OPCML: variants seen among roughly 807,000 people sequenced by gnomAD.
The protein encoded by OPCML is opioid binding protein/cell adhesion molecule like, also known as opioid-binding protein/cell adhesion molecule.
In OPCML, 13 loss-of-function variants were observed where a neutral mutation model predicts 37.8. The observed-to-expected ratio is 0.34, with a 90% CI of 0.22 to 0.55. The LOEUF (loss-of-function observed/expected upper bound fraction) is 0.55. Ranked by LOEUF, OPCML falls within the 20% of genes least tolerant of loss-of-function variation. The pLI is 0.91. For missense variants in OPCML, 341 were observed against 435.6 expected (o/e 0.78, Z 1.93); for synonymous variants, 176 against 168.8 (o/e 1.04, Z -0.33).
intron 1 of OPCML, among the ~76,000 whole-genome samples, chr11:133,368,053 G>A (rs950847909): frequency 2.0e-5 from 3 of 152,180 alleles, no homozygotes; most frequent in Non-Finnish European, 4.4e-5. Context: ...GGCAGTCCTT[G>A]GAGGAATATG....
At chr11:132,899,734 C>G (rs1225545504) in intron 2 of OPCML, among the ~76,000 whole-genome samples, 3 of 152,022 alleles carry the variant, frequency 2.0e-5, no homozygotes, top group Non-Finnish European at 4.4e-5. Context: ...TCTAAGTGGA[C>G]TCGGTGGGGA....
At chr11:133,099,582 T>G (rs754435635) in intron 1 of OPCML, among the ~76,000 whole-genome samples, 1 of 152,056 alleles carries the variant, frequency 6.6e-6, no homozygotes, top group East Asian at 1.9e-4. Context: ...CCACCTCGCC[T>G]GGCCTGATTT....
intron 7 of OPCML, among the ~76,000 whole-genome samples, chr11:132,423,336 G>A (rs908955327): frequency 6.6e-6 from 1 of 152,202 alleles, no homozygotes; most frequent in African/African-American, 2.4e-5. Context: ...ATGAGAAATG[G>A]CTGGGCTATT....
intron 4 of OPCML, among the ~76,000 whole-genome samples, chr11:132,511,696 G>C (rs1293747617): frequency 1.3e-5 from 2 of 151,946 alleles, no homozygotes; most frequent in Non-Finnish European, 2.9e-5. Flanking sequence ...CTGTAGAGCT[G>C]TATGGAAAAA....
At chr11:132,592,673 T>C (rs916224450) in intron 3 of OPCML, among the ~76,000 whole-genome samples, 2 of 152,202 alleles carry the variant, frequency 1.3e-5, no homozygotes, top group African/African-American at 4.8e-5. Context: ...CCAGGATTCG[T>C]AGACCAGAGC....
At chr11:133,126,075 AC>A (rs1949509716) in intron 1 of OPCML, among the ~76,000 whole-genome samples, 1 of 25,762 alleles carries the variant, frequency 3.9e-5, no homozygotes, top group African/African-American at 9.9e-5. Flanking sequence ...TACCATACAC[AC>A]ACACACACAC....
chr11:132,716,185 T>A (rs1039946970), intron 2 of OPCML, among the ~76,000 whole-genome samples: 1 of 152,074 alleles, frequency 6.6e-6, no homozygotes, highest in East Asian at 1.9e-4. Flanking sequence ...AGGCAGGTAA[T>A]GAGAGCAGAG....
chr11:133,439,292 GTT>G (rs61423385), intron 1 of OPCML: 31,532 of 863,812 alleles, frequency 0.037, 501 homozygotes, highest in East Asian at 0.16. Context: ...AGTAAAAGAT[GTT>G]TTTTTTTTTT....
At chr11:133,230,634 G>C (rs1335919713) in intron 1 of OPCML, among the ~76,000 whole-genome samples, 3 of 152,164 alleles carry the variant, frequency 2.0e-5, no homozygotes, top group Non-Finnish European at 4.4e-5. Context: ...CCATAACTCA[G>C]TTAATCAGTC....
At chr11:133,444,725 C>T (rs1014474039) in intron 1 of OPCML, among the ~76,000 whole-genome samples, 2 of 152,176 alleles carry the variant, frequency 1.3e-5, no homozygotes, top group African/African-American at 2.4e-5. Flanking sequence ...TGCCTAATAA[C>T]ATTTCATCAT....
intron 2 of OPCML, among the ~76,000 whole-genome samples, chr11:132,727,201 A>G (rs1346981608): frequency 6.6e-6 from 1 of 152,312 alleles, no homozygotes; most frequent in Non-Finnish European, 1.5e-5. Context: ...AAACCAGCAT[A>G]GAGAGGTAGG....
At chr11:132,462,158 C>A (rs75246688) in intron 4 of OPCML, among the ~76,000 whole-genome samples, 1 of 152,114 alleles carries the variant, frequency 6.6e-6, no homozygotes, top group Admixed American at 6.6e-5. Flanking sequence ...AGTAGCAGTA[C>A]GTGCAACTAG....
intron 1 of OPCML, among the ~76,000 whole-genome samples, chr11:133,146,632 C>G (rs895801694): frequency 2.0e-5 from 3 of 152,020 alleles, no homozygotes; most frequent in Admixed American, 6.5e-5. Flanking sequence ...TAATTTTTCT[C>G]TATTTTTAGT....
At chr11:132,537,455 G>T (rs561550682) in intron 3 of OPCML, among the ~76,000 whole-genome samples, 95 of 152,204 alleles carry the variant, frequency 6.2e-4, no homozygotes, top group Non-Finnish European at 1.1e-3. Context: ...ATAGATCAAA[G>T]ACCTAAATGT....
At chr11:132,692,865 C>A (rs558180725) in intron 2 of OPCML, among the ~76,000 whole-genome samples, 1 of 152,292 alleles carries the variant, frequency 6.6e-6, no homozygotes, top group Admixed American at 6.5e-5. Context: ...CATGAACCAC[C>A]TTTTCCCACT....
intron 2 of OPCML, among the ~76,000 whole-genome samples, chr11:132,805,857 T>C (rs1177716343): frequency 6.6e-6 from 1 of 152,186 alleles, no homozygotes; most frequent in African/African-American, 2.4e-5. Flanking sequence ...TAAATATAAA[T>C]GAGTATGTTT....
Position 132,437,307 on chromosome 11 carries a change from C to T in OPCML, c.558G>A (p.Lys186=). 1 of 1,614,240 alleles carries T rather than the reference C, an allele frequency of 6.2e-7. No individual in the cohort carries two copies. Among genetic ancestry groups the T allele is most frequent in the Non-Finnish European group, 8.5e-7 (1 of 1,180,050 alleles). The part of the protein sequence containing the change: ...EDEYLEISDI[K]RDQSGEYECS... Reference sequence around the variant, plus strand: ...ATTCGTACTCCCCGGACTGGTCTCGCTTGATGTCAGAGATCTCCAGGTACT... The same window carrying T: ...ATTCGTACTCCCCGGACTGGTCTCGTTTGATGTCAGAGATCTCCAGGTACT... Residue 186 remains lysine (K), a synonymous_variant, in exon 5 of 8, where the codon AAG becomes AAA. Coordinates refer to ENST00000524381, the MANE Select transcript of OPCML (RefSeq NM_001012393.5).
At chr11:133,340,176 CT>C (rs1943832815) in intron 1 of OPCML, among the ~76,000 whole-genome samples, 1 of 152,238 alleles carries the variant, frequency 6.6e-6, no homozygotes, top group Admixed American at 6.5e-5. Flanking sequence ...CCTGCTGCCC[CT>C]GGGCCTTGTC....
intron 2 of OPCML, among the ~76,000 whole-genome samples, chr11:132,800,918 G>C (rs1938611182): frequency 6.6e-6 from 1 of 152,136 alleles, no homozygotes; most frequent in South Asian, 2.1e-4. Context: ...GATAGAATAA[G>C]TTGGAAAGTA....
Sources: allele counts gnomAD v4.1 joint callset (sites outside exome capture counted in the v4.1 genomes callset), GRCh38; gene constraint gnomAD v4.1.1; transcripts MANE v1.5; gene names NCBI Gene and HGNC (gene_info 2026-07-23, HGNC 2026-07-21).